The following COLQ variants were observed in gnomAD, a reference collection of about 807,000 sequenced individuals.
COLQ encodes the protein collagen like tail subunit of asymmetric acetylcholinesterase.
In COLQ, 48 loss-of-function variants were observed where a neutral mutation model predicts 69.0. The observed-to-expected ratio is 0.70, with a 90% CI of 0.55 to 0.88. COLQ has a LOEUF of 0.88. COLQ is among the 40% of genes least tolerant of loss of function. COLQ has a pLI of 0.00. For synonymous variants in COLQ, 217 were observed against 211.2 expected (o/e 1.03, Z -0.24); for missense variants, 618 against 594.6 (o/e 1.04, Z -0.41).
Position 15,470,558 on chromosome 3 carries a change from C to T in COLQ, c.695G>A (p.Arg232Lys), listed in dbSNP as rs1422557889. The T allele has an allele frequency of 1.9e-6, 3 of 1,613,922 alleles. No homozygotes were observed. In the Admixed American group the frequency reaches 5.0e-5, roughly 27 times the overall value. ...GIAGHRGPTGRPGKRGKQGQK... is the reference protein window; with the variant it reads ...GIAGHRGPTGKPGKRGKQGQK... ...TACCTGCTTGCCTCGTTTTCCTGGT[C>T]TTCCTGTGGGTCCTCGGTGTCCTGC... The change falls in exon 11 of 17, where the codon AGA (arginine) becomes AAA (lysine). Residue 232 changes from arginine (R) to lysine (K), a missense_variant. Transcript: ENST00000383788.
At position 15,496,188 on chromosome 3, in the gene COLQ, C is replaced by T. The variant is rs76189303; in HGVS notation, c.107-6551G>A. The T allele has an allele frequency of 1.8e-3, 276 of 152,966 alleles. 2 individuals are homozygous for T. The highest frequency in any genetic ancestry group is 0.017 in the East Asian group (86 of 5,188). 9.5% of individuals were successfully genotyped at this position (152,966 alleles called of 1,614,324 possible). ...TTATCAGCTGCATTTCTGGCTGAGG[C>T]TTCTGCATTGTTCGGCTCCCCCACC... On this transcript the variant is annotated intron_variant, in intron 1 of 16. Transcript: ENST00000383788.
chr3:15,474,340 C>A lies in COLQ; in HGVS notation c.556-68G>T. On this transcript the variant is annotated intron_variant, in intron 8 of 16. Transcript: ENST00000383788. ...GGGAGGGAAATTCAAGCATTTCAAA[C>A]TGAAAAGCTCCCTAAACCAAAACCC... The A allele has an allele frequency of 5.9e-6, 9 of 1,525,534 alleles. No individual in the cohort carries two copies. The East Asian group carries it at 2.0e-4, about 34-fold the overall frequency. 94.5% of individuals were successfully genotyped at this position (1,525,534 alleles called of 1,614,324 possible).
chr3:15,468,206 C>T (rs1414441513), intron 11 of COLQ, among the ~76,000 whole-genome samples: 2 of 151,834 alleles, frequency 1.3e-5, no homozygotes, highest in East Asian at 1.9e-4. Flanking sequence ...GAATGAGCCA[C>T]GTCTCTATCA....
At chr3:15,453,318 G>A (rs564774139) in intron 16 of COLQ, among the ~76,000 whole-genome samples, 2 of 152,204 alleles carry the variant, frequency 1.3e-5, no homozygotes, top group Non-Finnish European at 2.9e-5. Flanking sequence ...TTTTCTTGGA[G>A]GGGCCATGAG....
At chr3:15,517,808 A>T (rs1200941085) in intron 1 of COLQ, among the ~76,000 whole-genome samples, 5 of 152,214 alleles carry the variant, frequency 3.3e-5, no homozygotes, top group African/African-American at 1.2e-4. Context: ...TTCTTAAGCA[A>T]GATAAAGTAG....
In COLQ at chr3:15,456,754, T is replaced by C. The variant is rs11128745; in HGVS notation, c.955-175A>G. Among the ~76,000 whole-genome samples the C allele has an allele frequency of 0.49, 74,093 of 151,846 alleles. 18,552 individuals are homozygous for C. The highest frequency in any genetic ancestry group is 0.62 in the East Asian group (3,211 of 5,160). On this transcript the variant is annotated intron_variant, in intron 13 of 16. Transcript: ENST00000383788. ...TGAGAGGAGTGTCTTGATTCCCTCA[T>C]CTTCTCAATCGAGTTCCTAATGTCT...
chr3:15,479,337 C>A lies in COLQ; in HGVS notation c.366+1G>T. 1 of 1,614,012 alleles carries A rather than the reference C, an allele frequency of 6.2e-7. No individual in the cohort carries two copies. Among genetic ancestry groups the A allele is most frequent in the South Asian group, 1.1e-5 (1 of 91,080 alleles). On this transcript the variant is annotated splice_donor_variant, in intron 4 of 16. Transcript: ENST00000383788. LOFTEE classifies it high-confidence loss of function. ...GGGTTGAAGAAAGTAGTGGTCCATACCTTTTCTCCCTTTGGTCCTGTCTTG... is the reference window on the plus strand; with the variant it reads ...GGGTTGAAGAAAGTAGTGGTCCATAACTTTTCTCCCTTTGGTCCTGTCTTG...
intron 10 of COLQ, among the ~76,000 whole-genome samples, chr3:15,472,340 C>G (rs1457955745): frequency 1.3e-5 from 2 of 152,054 alleles, no homozygotes; most frequent in Non-Finnish European, 2.9e-5. Context: ...AACACCCTAC[C>G]TAGGGTAGCA....
rs1198693988 is a variant in COLQ at position 15,473,696 on chromosome 3, A to G, written c.636+304T>C. 6.6e-6 allele frequency among the ~76,000 whole-genome samples: 1 copy of G among 152,154 alleles called. No homozygotes were observed. Among genetic ancestry groups the G allele is most frequent in the African/African-American group, 2.4e-5 (1 of 41,410 alleles). ...CTGTGAGAAAGGTTTCTGCATTTGAATAGGACCACAGCCCTCTAAGAGGTA... is the reference window on the plus strand; with the variant it reads ...CTGTGAGAAAGGTTTCTGCATTTGAGTAGGACCACAGCCCTCTAAGAGGTA... On this transcript the variant is annotated intron_variant, in intron 10 of 16. Coordinates refer to ENST00000383788, the MANE Select transcript of COLQ (RefSeq NM_005677.4). The surrounding 1 kb of genome is among the most constrained non-coding windows in gnomAD (Gnocchi z 4.0).
At chr3:15,508,774 G>A (rs533693167) in intron 1 of COLQ, among the ~76,000 whole-genome samples, 73 of 151,698 alleles carry the variant, frequency 4.8e-4, no homozygotes, top group African/African-American at 1.3e-3. Flanking sequence ...ATGAAAAATG[G>A]GCAAATTTTC....
chr3:15,466,313 G>A, intron 12 of COLQ, 28 bp downstream of exon 12: 1 of 1,534,162 alleles, frequency 6.5e-7, no homozygotes, highest in Non-Finnish European at 9.0e-7. Flanking sequence ...CTCCAACAGT[G>A]GATCAAGTGA....
Position 15,479,362 on chromosome 3 carries a change from G to T in COLQ, c.342C>A (p.Gly114=), listed in dbSNP as rs1450295252. The T allele has an allele frequency of 1.2e-6, 2 of 1,614,092 alleles. No individual in the cohort carries two copies. The highest frequency in any genetic ancestry group is 1.7e-6 in the Non-Finnish European group (2 of 1,179,958). ...CCTTTTCTCCCTTTGGTCCTGTCTTGCCAGGAAGCCCCGGTGGACCCTAAT... is the reference window on the plus strand; with the variant it reads ...CCTTTTCTCCCTTTGGTCCTGTCTTTCCAGGAAGCCCCGGTGGACCCTAAT... ...PGPQGPPGLP[G]KTGPKGEKGE... Residue 114 remains glycine, a synonymous_variant, in exon 4 of 17, where the codon GGC becomes GGA. Coordinates refer to ENST00000383788, the MANE Select transcript of COLQ (RefSeq NM_005677.4).
chr3:15,478,571 GCCATTTGTTTCTGTC>G (rs1051678119), intron 5 of COLQ: 1 of 268,462 alleles, frequency 3.7e-6, no homozygotes, highest in African/African-American at 2.2e-5. Flanking sequence ...AAAAGCAAAA[GCCATTTGTTTCTGTC>G]TGCTCTGGCA....
intron 16 of COLQ, 23 bp downstream of exon 16, chr3:15,453,802 AGAGG>A (rs745843788): frequency 6.4e-6 from 9 of 1,395,576 alleles, no homozygotes; most frequent in Non-Finnish European, 9.1e-6. Context: ...AAGAAGGGGG[AGAGG>A]GAGGGAGGGG....
intron 3 of COLQ, among the ~76,000 whole-genome samples, chr3:15,481,650 T>G (rs1442488733): frequency 6.6e-6 from 1 of 152,238 alleles, no homozygotes; most frequent in South Asian, 2.1e-4. Context: ...GGTAGTGTGA[T>G]GCCTCCAGCT....
intron 1 of COLQ, among the ~76,000 whole-genome samples, chr3:15,514,138 G>A (rs1440748078): frequency 6.6e-6 from 1 of 152,150 alleles, no homozygotes; most frequent in African/African-American, 2.4e-5. Context: ...GCCTTCTGAG[G>A]GAGCTCGGCC....
intron 5 of COLQ, among the ~76,000 whole-genome samples, chr3:15,478,014 A>G (rs1394065145): frequency 6.6e-6 from 1 of 152,196 alleles, no homozygotes; most frequent in Non-Finnish European, 1.5e-5. Context: ...CTAATTTCGC[A>G]ATTAGCTAGA....
In COLQ at chr3:15,455,056, A is replaced by G. The variant is rs1023047757; in HGVS notation, c.1195+843T>C. ...CCTGGATCTTTAGAGCAGGGGCTTA[A>G]ACCACAAGCCCTAAATGAATTCAGT... is the stretch of plus-strand genomic sequence containing the variant. On this transcript the variant is annotated intron_variant, in intron 15 of 16. Coordinates refer to ENST00000383788, the MANE Select transcript of COLQ (RefSeq NM_005677.4). 2.0e-5 allele frequency among the ~76,000 whole-genome samples: 3 copies of G among 152,182 alleles called. No homozygotes were observed. The East Asian group carries it at 5.8e-4, about 29-fold the overall frequency.
rs1324047137 is a variant in COLQ at position 15,470,634 on chromosome 3, G to A, written c.637-18C>T. 3 of 1,613,244 alleles carry A rather than the reference G, an allele frequency of 1.9e-6. No individual in the cohort carries two copies. Among genetic ancestry groups the A allele is most frequent in the Non-Finnish European group, 1.7e-6 (2 of 1,179,318 alleles). ...ATTTCACCCTGGAAAGAAGGAAAGA[G>A]AAGCAAGAGAGGACTTAGGGCATGT... is the stretch of plus-strand genomic sequence containing the variant. On this transcript the variant is annotated intron_variant, in intron 10 of 16. Transcript: ENST00000383788.
Sources: gnomAD v4.1 joint callset for allele counts (sites outside exome capture counted in the v4.1 genomes callset) on GRCh38, gnomAD v4.1.1 for gene constraint, Gnocchi (gnomAD v3.1) non-coding constraint, MANE v1.5 for transcripts, NCBI Gene and HGNC (gene_info 2026-07-23, HGNC 2026-07-21) for gene names.